MCTP1: variants seen among roughly 807,000 people sequenced by gnomAD.
MCTP1 encodes the protein multiple C2 and transmembrane domain-containing protein 1.
In MCTP1, 69 loss-of-function variants were observed where a neutral mutation model predicts 120.6. That is an observed-to-expected ratio of 0.57 (90% CI 0.47 to 0.70). The LOEUF (loss-of-function observed/expected upper bound fraction) is 0.70. Among genes scored for constraint, MCTP1 ranks in the 30% least tolerant of loss-of-function variants. The probability of loss-of-function intolerance (pLI) is 0.00; values close to 1 mark genes in which losing one functional copy is unlikely to be tolerated. For missense variants in MCTP1, 1,203 were observed against 1,248.8 expected (o/e 0.96, Z 0.55); for synonymous variants, 529 against 493.1 (o/e 1.07, Z -0.96).
intron 1 of MCTP1, among the ~76,000 whole-genome samples, chr5:95,080,875 A>G (rs1388324619): frequency 6.6e-6 from 1 of 152,226 alleles, no homozygotes; most frequent in Non-Finnish European, 1.5e-5. Flanking sequence ...AATAATCAGA[A>G]GTTTCTAAGT....
intron 1 of MCTP1, among the ~76,000 whole-genome samples, chr5:95,173,234 T>C (rs1184240947): frequency 6.6e-6 from 1 of 152,206 alleles, no homozygotes. Context: ...CTATTAGAAC[T>C]CAGTGATTTC....
intron 1 of MCTP1, among the ~76,000 whole-genome samples, chr5:95,198,270 TC>T (rs1189684517): frequency 1.3e-5 from 2 of 152,204 alleles, no homozygotes; most frequent in South Asian, 2.1e-4. Flanking sequence ...ATAATGAATT[TC>T]CATATTACTT....
chr5:95,232,229 A>G (rs1213405890), intron 1 of MCTP1, among the ~76,000 whole-genome samples: 3 of 151,732 alleles, frequency 2.0e-5, no homozygotes, highest in Non-Finnish European at 4.4e-5. Flanking sequence ...AAAAAATACT[A>G]AATTAATTCA....
chr5:95,084,476 G>A (rs951863407), intron 1 of MCTP1, among the ~76,000 whole-genome samples: 4 of 151,128 alleles, frequency 2.6e-5, no homozygotes, highest in Non-Finnish European at 4.4e-5. Context: ...GAGAGACAGA[G>A]AGAGGAAGCT....
At chr5:94,906,347 A>G (rs1334438027) in intron 10 of MCTP1, among the ~76,000 whole-genome samples, 1 of 152,062 alleles carries the variant, frequency 6.6e-6, no homozygotes, top group African/African-American at 2.4e-5. Flanking sequence ...TTAGCCGGGC[A>G]TGGTGGTGCA....
In MCTP1 at chr5:95,216,994, G is replaced by A. The variant is rs79413010; in HGVS notation, c.720+66862C>T. Among the ~76,000 whole-genome samples, 1,057 of 152,200 alleles carry A rather than the reference G, an allele frequency of 6.9e-3. 14 individuals carry two copies. The highest frequency in any genetic ancestry group is 0.024 in the African/African-American group (1,001 of 41,536). On this transcript the variant is annotated intron_variant, in intron 1 of 22. Coordinates refer to ENST00000515393, the MANE Select transcript of MCTP1 (RefSeq NM_024717.7). ...GGCATTTTTATTGACCATCCAAAGG[G>A]TATATCACTAGCAGATGCGTATATA...
chr5:95,248,454 A>G (rs1757042907), intron 1 of MCTP1, among the ~76,000 whole-genome samples: 2 of 152,234 alleles, frequency 1.3e-5, no homozygotes, highest in Admixed American at 1.3e-4. Context: ...TAGGAATCCA[A>G]GTTACACAGG....
At chr5:94,892,475 C>T (rs1464218942) in intron 11 of MCTP1, among the ~76,000 whole-genome samples, 3 of 152,088 alleles carry the variant, frequency 2.0e-5, no homozygotes, top group African/African-American at 2.4e-5. Context: ...CATTACTACC[C>T]GCCCCCTATT....
intron 17 of MCTP1, among the ~76,000 whole-genome samples, chr5:94,806,439 T>G (rs1658384199): frequency 6.6e-6 from 1 of 152,220 alleles, no homozygotes; most frequent in African/African-American, 2.4e-5. Flanking sequence ...AAGATTTTTA[T>G]AGCAACACCA....
intron 1 of MCTP1, among the ~76,000 whole-genome samples, chr5:95,116,368 A>T (rs1757827486): frequency 1.3e-5 from 2 of 152,182 alleles, no homozygotes. Flanking sequence ...ATACATTAAG[A>T]TATAAATGGA....
chr5:94,999,483 T>C (rs1833238619), intron 2 of MCTP1, among the ~76,000 whole-genome samples: 1 of 152,094 alleles, frequency 6.6e-6, no homozygotes, highest in South Asian at 2.1e-4. Context: ...ATGAAGAAAA[T>C]GGGATGTGTA....
chr5:95,042,249 C>T (rs754305450), intron 1 of MCTP1, among the ~76,000 whole-genome samples: 7 of 152,030 alleles, frequency 4.6e-5, no homozygotes, highest in Non-Finnish European at 1.0e-4. Flanking sequence ...GCATATTTAC[C>T]GGGCAAATGA....
intron 2 of MCTP1, among the ~76,000 whole-genome samples, chr5:94,986,578 T>C (rs1387083032): frequency 6.6e-6 from 1 of 152,158 alleles, no homozygotes; most frequent in Non-Finnish European, 1.5e-5. Flanking sequence ...GGCACAATCT[T>C]GGCTCACCAC....
rs1751007599 is a variant in MCTP1, at chr5:95,067,606, T to A, written c.721-50122A>T. Among the ~76,000 whole-genome samples, 5 of 152,138 alleles carry A rather than the reference T, an allele frequency of 3.3e-5. No homozygotes were observed. In the South Asian group the frequency reaches 1.0e-3, roughly 32 times the overall value. Reference sequence around the variant, plus strand: ...TTTACTATTAACCTACAAAATATACTTATATTTTTAAATATTTTAAATATA... The same window carrying A: ...TTTACTATTAACCTACAAAATATACATATATTTTTAAATATTTTAAATATA... On this transcript the variant is annotated intron_variant, in intron 1 of 22. Coordinates refer to ENST00000515393, the MANE Select transcript of MCTP1 (RefSeq NM_024717.7).
intron 17 of MCTP1, among the ~76,000 whole-genome samples, chr5:94,861,671 C>A (rs947893118): frequency 6.6e-6 from 1 of 151,690 alleles, no homozygotes; most frequent in African/African-American, 2.4e-5. Flanking sequence ...GCATGTCTGT[C>A]CTTTACGATT....
chr5:94,957,947 C>A (rs1823064226), intron 2 of MCTP1, among the ~76,000 whole-genome samples: 1 of 152,136 alleles, frequency 6.6e-6, no homozygotes, highest in African/African-American at 2.4e-5. Flanking sequence ...AATTCTCCAC[C>A]CCAGATCAAT....
chr5:95,052,373 T>C (rs965625833), intron 1 of MCTP1, among the ~76,000 whole-genome samples: 2 of 152,186 alleles, frequency 1.3e-5, no homozygotes, highest in Non-Finnish European at 2.9e-5. Flanking sequence ...AGGAATTTGC[T>C]CAAAAAGACT....
At chr5:94,868,477 T>G in intron 16 of MCTP1, 25 bp from the exon 17 acceptor site, 1 of 1,551,836 alleles carries the variant, frequency 6.4e-7, no homozygotes, top group Non-Finnish European at 8.7e-7. Context: ...AAAATATTAT[T>G]ATAATTTGCA....
At chr5:95,071,040 T>C (rs536596765) in intron 1 of MCTP1, among the ~76,000 whole-genome samples, 8 of 152,196 alleles carry the variant, frequency 5.3e-5, no homozygotes, top group African/African-American at 1.9e-4. Flanking sequence ...CCAAATGGAC[T>C]GGAACAAAGG....
Sources: gnomAD v4.1 joint callset for allele counts (sites outside exome capture counted in the v4.1 genomes callset) on GRCh38, gnomAD v4.1.1 for gene constraint, MANE v1.5 for transcripts, NCBI Gene and HGNC (gene_info 2026-07-23, HGNC 2026-07-21) for gene names.